KLHDC10: variants seen among roughly 807,000 people sequenced by gnomAD.
The protein encoded by KLHDC10 is kelch domain-containing protein 10.
In KLHDC10, 24 loss-of-function variants were observed where a neutral mutation model predicts 56.1. The ratio of observed to expected loss-of-function variants is 0.43; its 90% CI spans 0.31 to 0.60. KLHDC10 has a LOEUF of 0.60. KLHDC10 is among the 20% of genes least tolerant of loss of function. The pLI, the probability that KLHDC10 is intolerant of heterozygous loss-of-function variation, is 0.11. For missense variants in KLHDC10, 349 were observed against 567.0 expected, an observed-to-expected ratio of 0.62 and a Z score of 3.91; for synonymous variants, 188 against 207.1, an observed-to-expected ratio of 0.91 and a Z score of 0.79.
intron 3 of KLHDC10, among the ~76,000 whole-genome samples, chr7:130,118,677 T>C (rs1796204952): frequency 6.6e-6 from 1 of 152,228 alleles, no homozygotes; most frequent in Non-Finnish European, 1.5e-5. Context: ...AGCTTTTGAT[T>C]TAAAGTTAGA....
At chr7:130,119,728 C>CGG (rs1334940040) in intron 3 of KLHDC10, among the ~76,000 whole-genome samples, 2 of 151,396 alleles carry the variant, frequency 1.3e-5, no homozygotes, top group African/African-American at 4.9e-5. Flanking sequence ...CCTGTAATCC[C>CGG]AGCTACTAGG....
intron 5 of KLHDC10, among the ~76,000 whole-genome samples, chr7:130,123,145 C>T (rs571472309): frequency 6.6e-6 from 1 of 152,182 alleles, no homozygotes; most frequent in South Asian, 2.1e-4. Context: ...CTATATCTTT[C>T]ACTTTTCTTT....
intron 2 of KLHDC10, among the ~76,000 whole-genome samples, chr7:130,105,846 T>G (rs1796000196): frequency 6.6e-6 from 1 of 152,186 alleles, no homozygotes; most frequent in Admixed American, 6.5e-5. Flanking sequence ...CGTGTTCTCT[T>G]TTTAATAATT....
chr7:130,129,374 A>G (rs1584642336), intron 8 of KLHDC10, 63 bp from the exon 9 acceptor site: 3 of 1,595,696 alleles, frequency 1.9e-6, no homozygotes, highest in East Asian at 2.2e-5. Flanking sequence ...GACCTACTCT[A>G]AAACACTCCA....
chr7:130,123,180 G>T (rs1380630070), intron 5 of KLHDC10, among the ~76,000 whole-genome samples: 1 of 152,158 alleles, frequency 6.6e-6, no homozygotes, highest in Non-Finnish European at 1.5e-5. Flanking sequence ...CCTCTTCATA[G>T]AATTAAACTC....
chr7:130,128,889 A>AAAAAAAAAAAAATATAT, intron 8 of KLHDC10, among the ~76,000 whole-genome samples: 1 of 66,956 alleles, frequency 1.5e-5, no homozygotes, highest in Non-Finnish European at 2.8e-5. Flanking sequence ...AAAAAAAAAA[A>AAAAAAAAAAAAATATAT]ATATATATAT....
intron 1 of KLHDC10, among the ~76,000 whole-genome samples, chr7:130,094,191 G>A (rs1047126350): frequency 4.6e-5 from 7 of 152,186 alleles, no homozygotes; most frequent in Non-Finnish European, 1.0e-4. Context: ...CTCGTAAAGC[G>A]CTGGGATTAC....
chr7:130,079,892 C>T (rs1270780758), intron 1 of KLHDC10, among the ~76,000 whole-genome samples: 3 of 132,518 alleles, frequency 2.3e-5, no homozygotes, highest in Admixed American at 7.3e-5. Flanking sequence ...CTCCCTTCCT[C>T]CCTTTCTTCC....
chr7:130,120,995 T>G lies in KLHDC10; in HGVS notation c.630+92T>G. The G allele has an allele frequency of 7.9e-7, 1 of 1,265,330 alleles. No individual in the cohort carries two copies. Among genetic ancestry groups the G allele is most frequent in the South Asian group, 1.6e-5 (1 of 64,198 alleles). 78.4% of individuals were successfully genotyped at this position (1,265,330 alleles called of 1,614,324 possible). A position where few individuals can be genotyped will look rare whatever the true frequency, so the allele number is the denominator to read the frequency against. On this transcript the variant is annotated intron_variant, in intron 4 of 9. Transcript: ENST00000335420. This position sits in a 1 kb window ranked among gnomAD's most constrained non-coding sequence, Gnocchi z 5.1. The stretch of plus-strand genomic sequence containing the variant: ...TATTTGTAATTGTTACCATTTTATT[T>G]TAATGGAGAAGAGTTCTTTGTGGTT...
chr7:130,106,337 G>GT (rs1179292446), intron 2 of KLHDC10, among the ~76,000 whole-genome samples: 1 of 152,036 alleles, frequency 6.6e-6, no homozygotes, highest in African/African-American at 2.4e-5. Flanking sequence ...AAAAATAAAA[G>GT]TTTGTTTTTC....
chr7:130,104,804 C>T (rs192304603), intron 2 of KLHDC10, among the ~76,000 whole-genome samples: 379 of 152,274 alleles, frequency 2.5e-3, no homozygotes, highest in Non-Finnish European at 4.2e-3. Context: ...GAGAACTCAT[C>T]ACTATACAGT....
Position 130,116,470 on chromosome 7 carries a change from T to C in KLHDC10, c.279T>C (p.Ser93=). The C allele has an allele frequency of 6.2e-7, 1 of 1,614,028 alleles. No homozygotes were observed. The highest frequency in any genetic ancestry group is 8.5e-7 in the Non-Finnish European group (1 of 1,179,968). The change falls in exon 3 of 10, where the codon AGT becomes AGC. Residue 93 remains serine (S), a synonymous_variant. Coordinates refer to ENST00000335420, the MANE Select transcript of KLHDC10 (RefSeq NM_014997.4). The surrounding 1 kb of genome is among the most constrained non-coding windows in gnomAD (Gnocchi z 4.8). ...LRGHRPPPAR[S]GHRCVADNTN... ...GCCACAGACCTCCACCAGCACGAAGTGGACATCGTTGTGTGGCAGATAATA... is the reference window on the plus strand; with the variant it reads ...GCCACAGACCTCCACCAGCACGAAGCGGACATCGTTGTGTGGCAGATAATA...
chr7:130,115,961 A>G (rs1400334813), intron 2 of KLHDC10, among the ~76,000 whole-genome samples: 1 of 152,110 alleles, frequency 6.6e-6, no homozygotes, highest in East Asian at 1.9e-4. Context: ...TGGAAAAATC[A>G]TAGATTTTGT....
intron 5 of KLHDC10, among the ~76,000 whole-genome samples, chr7:130,123,016 T>TATGG (rs34901862): frequency 0.45 from 66,375 of 148,892 alleles, 14,971 homozygotes; most frequent in Middle Eastern, 0.53. Context: ...TAGATGGATG[T>TATGG]ATGGATGGAT....
Position 130,135,088 on chromosome 7 carries a change from T to C in KLHDC10, c.*4342T>C, listed in dbSNP as rs1323340146. The C allele has an allele frequency of 5.1e-5, 3 of 58,414 alleles. No individual in the cohort carries two copies. The highest frequency in any genetic ancestry group is 1.2e-4 in the African/African-American group (3 of 24,840). The allele number at this position is 58,414 out of a possible 1,614,324, so 3.6% of individuals were successfully genotyped here. Reference sequence around the variant, plus strand: ...TTTGGTGTAATTTTCATGTTTTTAATTTGAAAAAAAAAAAAAAAAAAAAAC... The same window carrying C: ...TTTGGTGTAATTTTCATGTTTTTAACTTGAAAAAAAAAAAAAAAAAAAAAC... On this transcript the variant is annotated 3_prime_UTR_variant, in exon 10 of 10. Coordinates refer to ENST00000335420, the MANE Select transcript of KLHDC10 (RefSeq NM_014997.4).
chr7:130,085,826 T>A (rs1183180602), intron 1 of KLHDC10, among the ~76,000 whole-genome samples: 1 of 89,754 alleles, frequency 1.1e-5, no homozygotes, highest in African/African-American at 4.5e-5. Context: ...AGAGTGAGAC[T>A]CTTTCTCAAA....
chr7:130,078,665 C>T lies in KLHDC10; in HGVS notation c.166+7856C>T, dbSNP rs563968471. On this transcript the variant is annotated intron_variant, in intron 1 of 9. Transcript: ENST00000335420. ...TCCCGACTAGCTGAGACGACAGGCGCGTGCCACTACACCCGGCTAATTTTT... is the reference window on the plus strand; with the variant it reads ...TCCCGACTAGCTGAGACGACAGGCGTGTGCCACTACACCCGGCTAATTTTT... Among the ~76,000 whole-genome samples, 33 of 152,142 alleles carry T rather than the reference C, an allele frequency of 2.2e-4. 1 individual carries two copies. The highest frequency in any genetic ancestry group is 7.0e-4 in the African/African-American group (29 of 41,564).
At chr7:130,122,286 C>T in intron 5 of KLHDC10, 84 bp downstream of exon 5, 1 of 1,328,198 alleles carries the variant, frequency 7.5e-7, no homozygotes, top group South Asian at 1.6e-5. Context: ...GAAGAAAACC[C>T]TTTGGCCCCA....
chr7:130,105,614 A>G (rs369836998), intron 2 of KLHDC10, among the ~76,000 whole-genome samples: 3 of 152,212 alleles, frequency 2.0e-5, no homozygotes, highest in African/African-American at 7.2e-5. Context: ...TAATAAAGCT[A>G]TAAAAAGACA....
Sources: allele counts gnomAD v4.1 joint callset (sites outside exome capture counted in the v4.1 genomes callset), GRCh38; gene constraint gnomAD v4.1.1; non-coding constraint Gnocchi (gnomAD v3.1); transcripts MANE v1.5; gene names NCBI Gene and HGNC (gene_info 2026-07-23, HGNC 2026-07-21).